Variants in LINGO2 observed in about 807,000 individuals in gnomAD.
LINGO2 encodes leucine rich repeat and Ig domain containing 2.
LINGO2 carries 14 observed loss-of-function variants against 30.6 expected under a neutral mutation model. The ratio of observed to expected loss-of-function variants is 0.46; its 90% CI spans 0.30 to 0.72. The LOEUF (loss-of-function observed/expected upper bound fraction) is 0.72, where lower values mean the gene tolerates loss of function less well. Among genes scored for constraint, LINGO2 ranks in the 30% least tolerant of loss-of-function variants. The pLI is 0.07. For missense variants in LINGO2, 729 were observed against 751.7 expected, an observed-to-expected ratio of 0.97 and a Z score of 0.35; for synonymous variants, 317 against 288.5, an observed-to-expected ratio of 1.10 and a Z score of -1.00.
chr9:28,632,526 T>C (rs935235793), intron 1 of LINGO2, among the ~76,000 whole-genome samples: 1 of 149,110 alleles, frequency 6.7e-6, no homozygotes, highest in Non-Finnish European at 1.5e-5. Context: ...TCTCTCGATA[T>C]ATAATATATA....
At chr9:28,798,443 C>G in the LINGO2 span, among the ~76,000 whole-genome samples, 10 of 152,184 alleles carry the variant, frequency 6.6e-5, no homozygotes, top group East Asian at 1.2e-3. Context: ...TGTATGAGAA[C>G]TGCTGATGGC....
At chr9:29,095,247 A>T in the LINGO2 span, among the ~76,000 whole-genome samples, 1 of 139,080 alleles carries the variant, frequency 7.2e-6, no homozygotes, top group African/African-American at 2.7e-5. Context: ...TTGAATTTTC[A>T]TTGCCACAGG....
chr9:28,070,502 G>C (rs922287066), intron 4 of LINGO2, among the ~76,000 whole-genome samples: 1 of 152,052 alleles, frequency 6.6e-6, no homozygotes, highest in African/African-American at 2.4e-5. Flanking sequence ...TCCCAGGATG[G>C]CTTTTCCATC....
intron 3 of LINGO2, among the ~76,000 whole-genome samples, chr9:28,312,616 A>G (rs1824674508): frequency 6.6e-6 from 1 of 152,204 alleles, no homozygotes; most frequent in Non-Finnish European, 1.5e-5. Context: ...CAAAATCATT[A>G]GATTGGGTTC....
intron 4 of LINGO2, among the ~76,000 whole-genome samples, chr9:28,092,931 CT>C (rs1311083910): frequency 6.6e-6 from 1 of 151,984 alleles, no homozygotes; most frequent in African/African-American, 2.4e-5. Context: ...TGCATCATGG[CT>C]TTTAATTCTT....
intron 3 of LINGO2, among the ~76,000 whole-genome samples, chr9:28,339,764 T>C (rs763254535): frequency 6.6e-6 from 1 of 152,186 alleles, no homozygotes. Flanking sequence ...TTCCAGGCAA[T>C]GGTAGAAACA....
intron 1 of LINGO2, among the ~76,000 whole-genome samples, chr9:28,656,109 A>C (rs987216699): frequency 2.6e-5 from 4 of 152,116 alleles, no homozygotes; most frequent in African/African-American, 9.7e-5. Flanking sequence ...GGTGGATGAG[A>C]TATCCTGGCT....
chr9:28,027,026 AG>A (rs1312871122), intron 4 of LINGO2, among the ~76,000 whole-genome samples: 1 of 152,172 alleles, frequency 6.6e-6, no homozygotes, highest in Admixed American at 6.5e-5. Flanking sequence ...CCAGCTGTAT[AG>A]GGGCAAGCAC....
At chr9:28,843,437 T>C in the LINGO2 span, among the ~76,000 whole-genome samples, 1 of 151,724 alleles carries the variant, frequency 6.6e-6, no homozygotes, top group African/African-American at 2.4e-5. Flanking sequence ...AATCCTAAGG[T>C]TACAGAAATA....
chr9:28,246,941 G>A (rs1822023872), intron 4 of LINGO2, among the ~76,000 whole-genome samples: 1 of 152,040 alleles, frequency 6.6e-6, no homozygotes, highest in Non-Finnish European at 1.5e-5. Flanking sequence ...TTCAAAGTGG[G>A]CAAAGGATAT....
intron 4 of LINGO2, among the ~76,000 whole-genome samples, chr9:28,139,506 A>T (rs1827615342): frequency 6.6e-6 from 1 of 152,228 alleles, no homozygotes; most frequent in South Asian, 2.1e-4. Context: ...GTAGAAAGAA[A>T]ACTGATAAGA....
At chr9:28,648,728 T>C (rs151307131) in intron 1 of LINGO2, among the ~76,000 whole-genome samples, 2 of 152,248 alleles carry the variant, frequency 1.3e-5, no homozygotes, top group African/African-American at 4.8e-5. Context: ...TGCTATCTAC[T>C]TCTTACATCA....
intron 1 of LINGO2, among the ~76,000 whole-genome samples, chr9:28,588,433 A>T (rs186346220): frequency 1.3e-5 from 2 of 151,932 alleles, no homozygotes; most frequent in Non-Finnish European, 2.9e-5. Context: ...GGGGAAAAAG[A>T]AAAGGGGCTT....
At chr9:29,015,845 T>G in the LINGO2 span, among the ~76,000 whole-genome samples, 1 of 152,308 alleles carries the variant, frequency 6.6e-6, no homozygotes, top group South Asian at 2.1e-4. Context: ...CTATGAAACA[T>G]TTTCTCTACT....
chr9:28,466,341 A>C (rs963197954), intron 2 of LINGO2, among the ~76,000 whole-genome samples: 2 of 152,216 alleles, frequency 1.3e-5, no homozygotes, highest in African/African-American at 4.8e-5. Context: ...AGAGGTCATT[A>C]TGCTAAATGA....
At chr9:28,284,559 T>G (rs1286814723) in intron 4 of LINGO2, among the ~76,000 whole-genome samples, 1 of 152,194 alleles carries the variant, frequency 6.6e-6, no homozygotes, top group Non-Finnish European at 1.5e-5. Context: ...TCAAAATTAA[T>G]GACAGTCTTT....
chr9:29,033,584 T>G, the LINGO2 span, among the ~76,000 whole-genome samples: 1 of 151,850 alleles, frequency 6.6e-6, no homozygotes, highest in Non-Finnish European at 1.5e-5. Flanking sequence ...GGTGTTATCT[T>G]GCTCTGTAAT....
the LINGO2 span, among the ~76,000 whole-genome samples, chr9:29,038,198 G>T: frequency 6.6e-6 from 1 of 152,030 alleles, no homozygotes; most frequent in Non-Finnish European, 1.5e-5. Context: ...ACGTCCAACT[G>T]TTTCCAAAGT....
chr9:28,910,381 G>C, the LINGO2 span, among the ~76,000 whole-genome samples: 2 of 151,944 alleles, frequency 1.3e-5, no homozygotes, highest in African/African-American at 4.8e-5. Flanking sequence ...AAATGTGAAT[G>C]CATCTCTTTA....
Sources: gnomAD v4.1 joint callset for allele counts (sites outside exome capture counted in the v4.1 genomes callset) on GRCh38, gnomAD v4.1.1 for gene constraint, MANE v1.5 for transcripts, NCBI Gene and HGNC (gene_info 2026-07-23, HGNC 2026-07-21) for gene names.